PCDHGA9: variants seen among roughly 807,000 people sequenced by gnomAD.
PCDHGA9 encodes protocadherin gamma subfamily A, 9, also known as protocadherin gamma-A9.
PCDHGA9 carries 37 observed loss-of-function variants against 62.5 expected under a neutral mutation model. That is an observed-to-expected ratio of 0.59 (90% CI 0.46 to 0.78). The LOEUF is 0.78. Ranked by LOEUF, PCDHGA9 falls within the 30% of genes least tolerant of loss-of-function variation. PCDHGA9 has a pLI of 0.00. For synonymous variants in PCDHGA9, 459 were observed against 484.6 expected (o/e 0.95, Z 0.69); for missense variants, 1,138 against 1,166.2 (o/e 0.98, Z 0.35).
rs562479827 is a variant in PCDHGA9, at chr5:141,430,802, C to A, written c.2424+25426C>A. The A allele has an allele frequency of 1.2e-5, 18 of 1,524,776 alleles. No homozygotes were observed. The East Asian group carries it at 3.9e-4, about 33-fold the overall frequency. The allele number at this position is 1,524,776 out of a possible 1,614,324, so 94.5% of individuals were successfully genotyped here. On this transcript the variant is annotated intron_variant, in intron 1 of 3. Coordinates refer to ENST00000573521, the MANE Select transcript of PCDHGA9 (RefSeq NM_018921.3). ...GCACCGGGACTACAAAGGGCTTGTC[C>A]TGCTGGGAATCCTCCTGGGGACTCT... is the stretch of plus-strand genomic sequence containing the variant.
intron 1 of PCDHGA9, among the ~76,000 whole-genome samples, chr5:141,462,459 CTG>C (rs2099040203): frequency 6.6e-6 from 1 of 152,010 alleles, no homozygotes; most frequent in African/African-American, 2.4e-5. Flanking sequence ...TAACTGAAAA[CTG>C]TGTATTCTGC....
At chr5:141,499,908 G>T (rs903753761) in intron 2 of PCDHGA9, among the ~76,000 whole-genome samples, 1 of 151,980 alleles carries the variant, frequency 6.6e-6, no homozygotes, top group African/African-American at 2.4e-5. Flanking sequence ...GGCTGGTCTT[G>T]AACTCCTGGC....
chr5:141,443,974 G>A (rs775899117), intron 1 of PCDHGA9, among the ~76,000 whole-genome samples: 5 of 152,066 alleles, frequency 3.3e-5, no homozygotes, highest in Non-Finnish European at 7.4e-5. Context: ...GTCCATCTAA[G>A]CTATGTTAAT....
intron 1 of PCDHGA9, among the ~76,000 whole-genome samples, chr5:141,425,864 A>T (rs2096899427): frequency 6.6e-6 from 1 of 152,254 alleles, no homozygotes; most frequent in African/African-American, 2.4e-5. Flanking sequence ...TGTTCTATAG[A>T]TTCCCATCTC....
chr5:141,470,869 T>C (rs1215083835), intron 1 of PCDHGA9, among the ~76,000 whole-genome samples: 1 of 151,910 alleles, frequency 6.6e-6, no homozygotes, highest in African/African-American at 2.4e-5. Context: ...TTTGTTTGTT[T>C]GTTTTTTTGT....
At chr5:141,468,330 C>CAAAAA (rs533390277) in intron 1 of PCDHGA9, 4 of 79,848 alleles carry the variant, frequency 5.0e-5, no homozygotes, top group African/African-American at 7.8e-5. Context: ...AACTCCATCT[C>CAAAAA]AAAAAAAAAA....
At chr5:141,449,796 A>G (rs1358409274) in intron 1 of PCDHGA9, among the ~76,000 whole-genome samples, 2 of 151,590 alleles carry the variant, frequency 1.3e-5, no homozygotes, top group Admixed American at 6.6e-5. Context: ...TTATTCCTAA[A>G]TACCTCATTG....
Position 141,491,410 on chromosome 5 carries a change from GA to G in PCDHGA9, c.2425-3396del. 1 of 1,614,142 alleles carries G rather than the reference GA, an allele frequency of 6.2e-7. No homozygotes were observed. The highest frequency in any genetic ancestry group is 8.5e-7 in the Non-Finnish European group (1 of 1,180,034). On this transcript the variant is annotated intron_variant, in intron 1 of 3. Coordinates refer to ENST00000573521, the MANE Select transcript of PCDHGA9 (RefSeq NM_018921.3). This position sits in a 1 kb window ranked among gnomAD's most constrained non-coding sequence, Gnocchi z 6.9. ...GTGCCTTCAGGGAAACGCAGACGGG[GA>G]CGGGGGTGGAGGGCAGTGCTGCAGG...
At chr5:141,466,450 G>T (rs139024933) in intron 1 of PCDHGA9, among the ~76,000 whole-genome samples, 1 of 152,172 alleles carries the variant, frequency 6.6e-6, no homozygotes, top group Non-Finnish European at 1.5e-5. Context: ...TGTCTATGGT[G>T]TTGGCTATTG....
rs979237199 is a variant in PCDHGA9, at chr5:141,477,828, G to C, written c.2425-16979G>C. On this transcript the variant is annotated intron_variant, in intron 1 of 3. Transcript: ENST00000573521. This position sits in a 1 kb window ranked among gnomAD's most constrained non-coding sequence, Gnocchi z 4.9. Reference sequence around the variant, plus strand: ...AATGCCCCCCAGGTCCTATATCCTCGGCCAGGTGGGAGCTCGGTGGAGATG... The same window carrying C: ...AATGCCCCCCAGGTCCTATATCCTCCGCCAGGTGGGAGCTCGGTGGAGATG... The C allele has an allele frequency of 3.7e-6, 6 of 1,614,082 alleles. No individual in the cohort carries two copies. The highest frequency in any genetic ancestry group is 3.4e-6 in the Non-Finnish European group (4 of 1,180,006).
In PCDHGA9 at chr5:141,490,390, G is replaced by C. The variant is rs2099699651; in HGVS notation, c.2425-4417G>C. The C allele has an allele frequency of 6.2e-7, 1 of 1,614,074 alleles. No individual in the cohort carries two copies. The highest frequency in any genetic ancestry group is 8.5e-7 in the Non-Finnish European group (1 of 1,180,040). On this transcript the variant is annotated intron_variant, in intron 1 of 3. Coordinates refer to ENST00000573521, the MANE Select transcript of PCDHGA9 (RefSeq NM_018921.3). This position sits in a 1 kb window ranked among gnomAD's most constrained non-coding sequence, Gnocchi z 5.4. ...AGACCGGGACTCAGGTAGAAATGGT[G>C]AAGTGAGCCTTGATATCTCTCCGGA... is the stretch of plus-strand genomic sequence containing the variant.
At position 141,432,325 on chromosome 5, in the gene PCDHGA9, C is replaced by A; in HGVS notation, c.2424+26949C>A. 6.2e-7 allele frequency: 1 copy of A among 1,614,260 alleles called. No individual in the cohort carries two copies. The highest frequency in any genetic ancestry group is 1.1e-5 in the South Asian group (1 of 91,092). On this transcript the variant is annotated intron_variant, in intron 1 of 3. Transcript: ENST00000573521. The surrounding 1 kb of genome is among the most constrained non-coding windows in gnomAD (Gnocchi z 6.0). The stretch of plus-strand genomic sequence containing the variant: ...TGTATGCGCTGAGCTCCTTCGACTA[C>A]GAGCAGTTCCGAGACTTGCAAGTGA...
At position 141,405,027 on chromosome 5, in the gene PCDHGA9, A is replaced by G. The variant is rs1402992376; in HGVS notation, c.2075A>G (p.Tyr692Cys). ...CTGGAGGCCTCAGACCTTACCCTCT[A>G]CCTCGTTGTGGCTGTGGCAGTCGTC... ...ADLEASDLTL[Y>C]LVVAVAVVSC... Residue 692 changes from tyrosine to cysteine, a missense_variant, in exon 1 of 4, where the codon TAC (tyrosine) becomes TGC (cysteine). By Grantham distance (194) the Tyr-to-Cys change is radical. Transcript: ENST00000573521. The G allele has an allele frequency of 6.2e-7, 1 of 1,613,252 alleles. No homozygotes were observed. Among genetic ancestry groups the G allele is most frequent in the Non-Finnish European group, 8.5e-7 (1 of 1,179,696 alleles).
rs996572604 is a variant in PCDHGA9 at position 141,402,867 on chromosome 5, C to A, written c.-86C>A. 4.8e-6 allele frequency: 7 copies of A among 1,443,390 alleles called. No individual in the cohort carries two copies. The highest frequency in any genetic ancestry group is 6.4e-6 in the Non-Finnish European group (7 of 1,095,648). The allele number at this position is 1,443,390 out of a possible 1,614,324, so 89.4% of individuals were successfully genotyped here. A position where few individuals can be genotyped will look rare whatever the true frequency, so the allele number is the denominator to read the frequency against. On this transcript the variant is annotated 5_prime_UTR_variant, in exon 1 of 4. Transcript: ENST00000573521. ...AGCCTCTTTCTTCTAAGGAAAAGAT[C>A]ACCATACTTTGCAGGGTGGAAGAAA... is the stretch of plus-strand genomic sequence containing the variant.
intron 1 of PCDHGA9, chr5:141,415,232 C>G (rs1329834276): frequency 3.1e-6 from 5 of 1,614,076 alleles, no homozygotes; most frequent in Non-Finnish European, 4.2e-6. Flanking sequence ...GAGTCTCCAG[C>G]TAACTCTGAA....
intron 1 of PCDHGA9, among the ~76,000 whole-genome samples, chr5:141,445,784 G>A (rs2098477494): frequency 6.6e-6 from 1 of 152,168 alleles, no homozygotes; most frequent in Non-Finnish European, 1.5e-5. Flanking sequence ...GGGCTAGGGA[G>A]GCTAGAAACA....
intron 1 of PCDHGA9, among the ~76,000 whole-genome samples, chr5:141,467,590 A>T (rs2099146863): frequency 6.6e-6 from 1 of 152,214 alleles, no homozygotes; most frequent in African/African-American, 2.4e-5. Context: ...AATGCCATTT[A>T]TTAAGCACTT....
intron 1 of PCDHGA9, chr5:141,478,419 G>A (rs2530208): frequency 3.7e-6 from 6 of 1,613,632 alleles, no homozygotes; most frequent in South Asian, 2.2e-5. Context: ...GACTCCCGCC[G>A]CAGCGACCCG....
intron 1 of PCDHGA9, among the ~76,000 whole-genome samples, chr5:141,455,138 TTAAA>T (rs1193499111): frequency 1.3e-5 from 2 of 151,028 alleles, no homozygotes; most frequent in Admixed American, 1.3e-4. Context: ...TTACACTGTG[TTAAA>T]TAAATATTAG....
Sources: gnomAD v4.1 joint callset for allele counts (sites outside exome capture counted in the v4.1 genomes callset) on GRCh38, gnomAD v4.1.1 for gene constraint, Gnocchi (gnomAD v3.1) non-coding constraint, MANE v1.5 for transcripts, NCBI Gene and HGNC (gene_info 2026-07-23, HGNC 2026-07-21) for gene names.